Variants in IL2RB observed in about 807,000 individuals in gnomAD.
The protein encoded by IL2RB is interleukin-2 receptor subunit beta.
IL2RB carries 17 observed loss-of-function variants against 44.2 expected under a neutral mutation model. The observed-to-expected ratio is 0.38, with a 90% CI of 0.26 to 0.58. IL2RB has a LOEUF of 0.58. IL2RB is among the 20% of genes least tolerant of loss of function. The pLI is 0.63. For missense variants in IL2RB, 624 were observed against 685.5 expected (o/e 0.91, Z 1.00); for synonymous variants, 286 against 297.9 (o/e 0.96, Z 0.41).
At chr22:37,135,573 G>T (rs1377423202) in intron 7 of IL2RB, 131 bp from the exon 8 acceptor site, 2 of 620,186 alleles carry the variant, frequency 3.2e-6, no homozygotes, top group Admixed American at 2.8e-5. Context: ...CTGGGGACAG[G>T]GTTCTGCTAA....
chr22:37,174,376 A>G (rs956232658), intron 1 of IL2RB, among the ~76,000 whole-genome samples: 7 of 152,198 alleles, frequency 4.6e-5, no homozygotes, highest in Non-Finnish European at 1.0e-4. Flanking sequence ...GTTGTTTTTC[A>G]GGAATTGGGC....
chr22:37,143,930 T>C (rs918059154), intron 2 of IL2RB, among the ~76,000 whole-genome samples, 155 bp downstream of exon 2: 1 of 150,274 alleles, frequency 6.7e-6, no homozygotes, highest in Admixed American at 6.6e-5. Context: ...CGCGCATTCA[T>C]GCATGCATGC....
In IL2RB at chr22:37,128,554, G is replaced by C. The variant is rs766876638; in HGVS notation, c.1198C>G (p.Pro400Ala). 17 of 1,613,658 alleles carry C rather than the reference G, an allele frequency of 1.1e-5. No homozygotes were observed. Among genetic ancestry groups the C allele is most frequent in the Non-Finnish European group, 1.4e-5 (17 of 1,179,758 alleles). ...AGGGGTTGGGGGGAAGACCCTGTGG[G>C]TGCCCCGGCCACACCCTCATCAGGG... ...EDPDEGVAGA[P>A]TGSSPQPLQP... Residue 400 changes from proline to alanine, a missense_variant, in exon 10 of 10, where the codon CCC (proline) becomes GCC (alanine). Coordinates refer to ENST00000216223, the MANE Select transcript of IL2RB (RefSeq NM_000878.5). The surrounding 1 kb of genome is among the most constrained non-coding windows in gnomAD (Gnocchi z 4.5).
chr22:37,163,743 T>C (rs916679042), intron 1 of IL2RB, among the ~76,000 whole-genome samples: 3 of 152,178 alleles, frequency 2.0e-5, no homozygotes, highest in Admixed American at 1.3e-4. Context: ...GGGATGCTCG[T>C]CTCCACCACC....
At chr22:37,168,632 G>A (rs1043535877) in intron 1 of IL2RB, among the ~76,000 whole-genome samples, 1 of 152,224 alleles carries the variant, frequency 6.6e-6, no homozygotes, top group Non-Finnish European at 1.5e-5. Flanking sequence ...ACAGTTCCTG[G>A]CATGCAGGAG....
rs1232390264 is a variant in IL2RB at position 37,142,332 on chromosome 22, G to A, written c.282+102C>T. 4.7e-6 allele frequency: 5 copies of A among 1,069,716 alleles called. No homozygotes were observed. The African/African-American group carries it at 7.8e-5, about 17-fold the overall frequency. The allele number at this position is 1,069,716 out of a possible 1,614,324, so 66.3% of individuals were successfully genotyped here. A position where few individuals can be genotyped will look rare whatever the true frequency, so the allele number is the denominator to read the frequency against. On this transcript the variant is annotated intron_variant, in intron 4 of 9. Coordinates refer to ENST00000216223, the MANE Select transcript of IL2RB (RefSeq NM_000878.5). ...CTGCTTAGCCACAGCCCCAGCCATT[G>A]GGCCTCAGCTCTTCCCCTGGCATCC...
At chr22:37,134,809 G>A (rs919863255) in intron 8 of IL2RB, among the ~76,000 whole-genome samples, 5 of 152,182 alleles carry the variant, frequency 3.3e-5, no homozygotes, top group African/African-American at 1.2e-4. Context: ...CCACTGGGCC[G>A]TGAGCTGCCT....
chr22:37,133,974 A>C (rs1921561068), intron 8 of IL2RB, among the ~76,000 whole-genome samples: 1 of 151,992 alleles, frequency 6.6e-6, no homozygotes, highest in South Asian at 2.1e-4. Context: ...CTCCCACTAC[A>C]GATTTCAACA....
At chr22:37,131,644 C>T (rs991347567) in intron 9 of IL2RB, among the ~76,000 whole-genome samples, 1 of 152,100 alleles carries the variant, frequency 6.6e-6, no homozygotes, top group African/African-American at 2.4e-5. Context: ...AGGAGAAGCA[C>T]AGAGCATGTC....
At chr22:37,153,874 G>T (rs963127514), upstream of IL2RB, among the ~76,000 whole-genome samples, 5 of 152,220 alleles carry the variant, frequency 3.3e-5, no homozygotes, top group Non-Finnish European at 5.9e-5. Flanking sequence ...AGAAGTCACA[G>T]ACCCAGCTTG....
chr22:37,139,090 C>T lies in IL2RB; in HGVS notation c.388+27G>A, dbSNP rs12170117. The T allele has an allele frequency of 4.7e-3, 6,911 of 1,479,402 alleles. 255 individuals carry two copies. The African/African-American group carries it at 0.084, about 18-fold the overall frequency. The allele number at this position is 1,479,402 out of a possible 1,614,324, so 91.6% of individuals were successfully genotyped here. On this transcript the variant is annotated intron_variant, in intron 5 of 9. Coordinates refer to ENST00000216223, the MANE Select transcript of IL2RB (RefSeq NM_000878.5). ...AGGAAGGAGGTGCCCAGCCCTGCCC[C>T]AGCCCCACCCTGGCTTCCTCACTCA... is the stretch of plus-strand genomic sequence containing the variant.
chr22:37,172,365 C>A (rs1324341270), intron 1 of IL2RB, among the ~76,000 whole-genome samples: 1 of 152,218 alleles, frequency 6.6e-6, no homozygotes, highest in African/African-American at 2.4e-5. Context: ...ATGCACTCGG[C>A]TCCATCAGCT....
chr22:37,157,840 C>T (rs1161198232), intron 1 of IL2RB, among the ~76,000 whole-genome samples: 1 of 151,994 alleles, frequency 6.6e-6, no homozygotes, highest in African/African-American at 2.4e-5. Flanking sequence ...GACATACGGA[C>T]AGTGTCAATA....
intron 1 of IL2RB, among the ~76,000 whole-genome samples, chr22:37,149,398 CCTCCCCCGGTATATGGGCCCCA>C (rs1370921456): frequency 6.6e-6 from 1 of 152,222 alleles, no homozygotes; most frequent in East Asian, 1.9e-4. Flanking sequence ...CACAGGGCTG[CCTCCCCCGGTATATGGGCCCCA>C]CTCCACAGAG....
In IL2RB at chr22:37,127,493, G is replaced by C. The variant is rs1163818365; in HGVS notation, c.*603C>G. The stretch of plus-strand genomic sequence containing the variant: ...CATGTGCAACAGAGGGGGTGTGAGG[G>C]AGCTCTGAGTGGCTCAGGAGGACGG... On this transcript the variant is annotated 3_prime_UTR_variant, in exon 10 of 10. Transcript: ENST00000216223. 1 of 152,192 alleles carries C rather than the reference G, an allele frequency of 6.6e-6. No individual in the cohort carries two copies. Among genetic ancestry groups the C allele is most frequent in the Non-Finnish European group, 1.5e-5 (1 of 68,046 alleles). The allele number at this position is 152,192 out of a possible 1,614,324, so 9.4% of individuals were successfully genotyped here.
At chr22:37,174,147 G>A (rs1189030319) in intron 1 of IL2RB, among the ~76,000 whole-genome samples, 6 of 152,214 alleles carry the variant, frequency 3.9e-5, no homozygotes, top group Admixed American at 3.9e-4. Context: ...TGGCCAATGA[G>A]AAGCGAGAAG....
chr22:37,142,674 G>A (rs753438793), intron 3 of IL2RB, 162 bp from the exon 4 acceptor site: 15 of 731,368 alleles, frequency 2.1e-5, no homozygotes, highest in Non-Finnish European at 3.5e-5. Flanking sequence ...TCCCCCACTG[G>A]CTCCATGGCA....
intron 1 of IL2RB, among the ~76,000 whole-genome samples, chr22:37,160,061 T>G (rs1024457617): frequency 6.6e-6 from 1 of 152,238 alleles, no homozygotes; most frequent in Non-Finnish European, 1.5e-5. Flanking sequence ...TTTTGGACAA[T>G]CAACAGTTAG....
chr22:37,155,847 T>C (rs531688297), intron 1 of IL2RB, among the ~76,000 whole-genome samples: 4 of 152,220 alleles, frequency 2.6e-5, no homozygotes, highest in Non-Finnish European at 5.9e-5. Context: ...TGCATCTTCA[T>C]GGGTCCCACT....
Sources: gnomAD v4.1 joint callset for allele counts (sites outside exome capture counted in the v4.1 genomes callset) on GRCh38, gnomAD v4.1.1 for gene constraint, Gnocchi (gnomAD v3.1) non-coding constraint, MANE v1.5 for transcripts, NCBI Gene and HGNC (gene_info 2026-07-23, HGNC 2026-07-21) for gene names.